Variants in FHIT observed in about 807,000 individuals in gnomAD.
FHIT encodes the protein fragile histidine triad diadenosine triphosphatase.
In FHIT, 19 loss-of-function variants were observed where a neutral mutation model predicts 17.9. The observed-to-expected ratio is 1.06, with a 90% CI of 0.74 to 1.56. FHIT has a LOEUF of 1.56. Among genes scored for constraint, FHIT ranks in the 40% most tolerant of loss-of-function variants. The pLI, the probability that FHIT is intolerant of heterozygous loss-of-function variation, is 0.00. For missense variants in FHIT, 248 were observed against 189.2 expected, an observed-to-expected ratio of 1.31 and a Z score of -1.82; for synonymous variants, 81 against 69.7, an observed-to-expected ratio of 1.16 and a Z score of -0.81.
At chr3:60,517,346 C>A (rs1328123281) in intron 5 of FHIT, among the ~76,000 whole-genome samples, 2 of 152,146 alleles carry the variant, frequency 1.3e-5, no homozygotes, top group Non-Finnish European at 2.9e-5. Flanking sequence ...TCCATCCCAT[C>A]CTACTATACC....
intron 3 of FHIT, among the ~76,000 whole-genome samples, chr3:60,891,383 A>G (rs1430235406): frequency 6.6e-6 from 1 of 152,130 alleles, no homozygotes; most frequent in Non-Finnish European, 1.5e-5. Context: ...ATATAACTCA[A>G]GACAGTGTCA....
chr3:60,038,103 C>T (rs1701295124), intron 5 of FHIT, among the ~76,000 whole-genome samples: 1 of 152,058 alleles, frequency 6.6e-6, no homozygotes, highest in African/African-American at 2.4e-5. Context: ...TGTCTATTTT[C>T]TATTTTAATA....
chr3:60,759,923 CTTCCTTCCTTCCTGCTTTCCTTTT>C (rs1412409356), intron 4 of FHIT, among the ~76,000 whole-genome samples: 1 of 150,492 alleles, frequency 6.6e-6, no homozygotes, highest in African/African-American at 2.4e-5. Context: ...TTTCTTTTCC[CTTCCTTCCTTCCTGCTTTCCTTTT>C]TTCCTTCCTT....
At chr3:60,845,013 G>A (rs1481159361) in intron 3 of FHIT, among the ~76,000 whole-genome samples, 4 of 151,570 alleles carry the variant, frequency 2.6e-5, no homozygotes, top group African/African-American at 9.7e-5. Flanking sequence ...CATTATTTTT[G>A]GCTTCTACTA....
At chr3:60,544,351 C>A (rs936166664) in intron 4 of FHIT, among the ~76,000 whole-genome samples, 10 of 151,656 alleles carry the variant, frequency 6.6e-5, no homozygotes, top group African/African-American at 2.4e-4. Flanking sequence ...AGGGTTGATA[C>A]CTTTTTTTAA....
In FHIT at chr3:60,021,161, A is replaced by C. The variant is rs1700539399; in HGVS notation, c.104-7009T>G. On this transcript the variant is annotated intron_variant, in intron 5 of 9. Coordinates refer to ENST00000492590, the MANE Select transcript of FHIT (RefSeq NM_002012.4). ...TCTGCTCAGAGCTGGTTCTCAAGGC[A>C]AGCATCTCACAAATATCCACTATCT... Among the ~76,000 whole-genome samples, 3 of 152,180 alleles carry C rather than the reference A, an allele frequency of 2.0e-5. No individual in the cohort carries two copies. In the South Asian group the frequency reaches 6.2e-4, roughly 32 times the overall value.
At chr3:60,065,578 C>T (rs1331796433) in intron 5 of FHIT, among the ~76,000 whole-genome samples, 1 of 152,094 alleles carries the variant, frequency 6.6e-6, no homozygotes, top group African/African-American at 2.4e-5. Context: ...TATAGACTAC[C>T]CCTAGGCAAG....
At chr3:61,203,179 C>CAAA (rs397876939) in intron 1 of FHIT, among the ~76,000 whole-genome samples, 15,992 of 86,126 alleles carry the variant, frequency 0.19, 2,081 homozygotes, top group East Asian at 0.48. Flanking sequence ...GACTCCGTCT[C>CAAA]AAAAAAAAAA....
chr3:60,417,310 T>C (rs1702287315), intron 5 of FHIT, among the ~76,000 whole-genome samples: 1 of 152,164 alleles, frequency 6.6e-6, no homozygotes, highest in South Asian at 2.1e-4. Flanking sequence ...ATGCAAGCTA[T>C]GCTCGGACTT....
intron 4 of FHIT, among the ~76,000 whole-genome samples, chr3:60,664,000 G>C (rs1206096630): frequency 6.6e-6 from 1 of 151,806 alleles, no homozygotes; most frequent in African/African-American, 2.4e-5. Flanking sequence ...TTCTTTTCTT[G>C]CCTTATTGTT....
intron 3 of FHIT, among the ~76,000 whole-genome samples, chr3:61,024,928 T>C (rs982861519): frequency 2.6e-5 from 4 of 152,154 alleles, no homozygotes; most frequent in African/African-American, 9.7e-5. Context: ...ACCATTGTTT[T>C]CAAGACAGTG....
intron 2 of FHIT, among the ~76,000 whole-genome samples, chr3:61,101,014 G>A (rs1197660215): frequency 6.6e-6 from 1 of 152,148 alleles, no homozygotes; most frequent in Non-Finnish European, 1.5e-5. Flanking sequence ...CAGGTTGCTG[G>A]TTTACTCTGA....
intron 5 of FHIT, among the ~76,000 whole-genome samples, chr3:60,334,560 G>T (rs1710143406): frequency 6.6e-6 from 1 of 152,208 alleles, no homozygotes; most frequent in Admixed American, 6.5e-5. Context: ...GCCAAGGCAG[G>T]TGGATCATCG....
chr3:60,760,173 A>G (rs2108051147), intron 4 of FHIT, among the ~76,000 whole-genome samples: 1 of 152,244 alleles, frequency 6.6e-6, no homozygotes, highest in East Asian at 1.9e-4. Context: ...ATTGTCTAGT[A>G]GGGAGAGGAA....
intron 2 of FHIT, among the ~76,000 whole-genome samples, chr3:61,128,516 C>T (rs1333841139): frequency 2.0e-5 from 3 of 152,114 alleles, no homozygotes; most frequent in African/African-American, 7.2e-5. Context: ...AAATGCGCTT[C>T]CGTCAGCTAC....
At chr3:61,123,844 G>C (rs2036532721) in intron 2 of FHIT, among the ~76,000 whole-genome samples, 1 of 152,130 alleles carries the variant, frequency 6.6e-6, no homozygotes, top group Non-Finnish European at 1.5e-5. Flanking sequence ...CACTGAAAAG[G>C]GAGTTGGGAA....
At chr3:60,273,178 G>A (rs1370321123) in intron 5 of FHIT, among the ~76,000 whole-genome samples, 1 of 152,134 alleles carries the variant, frequency 6.6e-6, no homozygotes, top group East Asian at 1.9e-4. Flanking sequence ...GGAAAATGAA[G>A]ATTTAGAGAT....
intron 3 of FHIT, among the ~76,000 whole-genome samples, chr3:60,924,902 C>G (rs762885652): frequency 6.6e-6 from 1 of 152,070 alleles, no homozygotes; most frequent in Non-Finnish European, 1.5e-5. Context: ...ACCAGAACTA[C>G]GTGACGAATA....
chr3:60,794,053 A>G (rs180958534), intron 4 of FHIT, among the ~76,000 whole-genome samples: 3 of 152,104 alleles, frequency 2.0e-5, no homozygotes, highest in East Asian at 1.9e-4. Flanking sequence ...AAAAGTGCAG[A>G]AAAAAAATAA....
Sources: allele counts gnomAD v4.1 joint callset (sites outside exome capture counted in the v4.1 genomes callset), GRCh38; gene constraint gnomAD v4.1.1; transcripts MANE v1.5; gene names NCBI Gene and HGNC (gene_info 2026-07-23, HGNC 2026-07-21).